WDR27: variants seen among roughly 807,000 people sequenced by gnomAD.
WDR27 encodes the protein WD repeat domain 27.
Under a neutral mutation model 114.4 loss-of-function variants are expected in WDR27, and 100 were observed. The observed-to-expected ratio is 0.87, with a 90% confidence interval of 0.74 to 1.03. WDR27 has a LOEUF of 1.03. WDR27 is among the 50% of genes least tolerant of loss of function. The pLI, the probability that WDR27 is intolerant of heterozygous loss-of-function variation, is 0.00. For missense variants in WDR27, 1,129 were observed against 1,092.9 expected (o/e 1.03, Z -0.47); for synonymous variants, 449 against 423.1 (o/e 1.06, Z -0.75).
chr6:169,568,643 A>AT lies in WDR27; in HGVS notation c.2645+3775dup, dbSNP rs563596339. On this transcript the variant is annotated intron_variant, in intron 25 of 25. Transcript: ENST00000448612. The stretch of plus-strand genomic sequence containing the variant: ...TTTCAAAGAAAATAAAATTAAGCTA[A>AT]TTGGTTGACAAACAGGGAAGACCCA... Among the ~76,000 whole-genome samples, 9 of 152,356 alleles carry AT rather than the reference A, an allele frequency of 5.9e-5. No individual in the cohort carries two copies. In the East Asian group the frequency reaches 1.7e-3, roughly 29 times the overall value.
chr6:169,581,161 A>C (rs1377901113), intron 24 of WDR27, among the ~76,000 whole-genome samples: 1 of 151,940 alleles, frequency 6.6e-6, no homozygotes, highest in Middle Eastern at 3.2e-3. Context: ...TTATTCATTA[A>C]TCTCAAGGGC....
At chr6:169,658,403 A>G in intron 12 of WDR27, 45 bp from the exon 13 acceptor site, 1 of 1,444,348 alleles carries the variant, frequency 6.9e-7, no homozygotes, top group Non-Finnish European at 9.6e-7. Flanking sequence ...GCAAACGACG[A>G]TACGATGGAA....
chr6:169,600,108 C>G (rs552693149), intron 23 of WDR27, among the ~76,000 whole-genome samples: 2 of 152,124 alleles, frequency 1.3e-5, no homozygotes, highest in African/African-American at 4.8e-5. Context: ...CCAGTTTGTT[C>G]GCACTGTGGT....
At chr6:169,618,446 C>T (rs1160474843) in intron 21 of WDR27, among the ~76,000 whole-genome samples, 1 of 151,766 alleles carries the variant, frequency 6.6e-6, no homozygotes, top group East Asian at 1.9e-4. Flanking sequence ...TTTAAATGAG[C>T]CATTTAATAA....
the WDR27 span, among the ~76,000 whole-genome samples, chr6:169,432,940 C>T: frequency 9.4e-4 from 143 of 152,248 alleles, no homozygotes; most frequent in Middle Eastern, 0.014. Flanking sequence ...TTGGAACTTC[C>T]TAGAGGCTTG....
chr6:169,670,473 C>T (rs1585057832), intron 4 of WDR27, 96 bp downstream of exon 4: 1 of 1,420,836 alleles, frequency 7.0e-7, no homozygotes, highest in Non-Finnish European at 9.6e-7. Flanking sequence ...AAAAGGAGTA[C>T]AGGAAAAAAG....
At chr6:169,591,012 T>A (rs563298011) in intron 23 of WDR27, among the ~76,000 whole-genome samples, 2 of 152,290 alleles carry the variant, frequency 1.3e-5, no homozygotes, top group Admixed American at 1.3e-4. Flanking sequence ...AGGAGTGAGA[T>A]TGCTGGATCA....
chr6:169,638,418 A>G, intron 18 of WDR27, 121 bp downstream of exon 18: 1 of 1,351,750 alleles, frequency 7.4e-7, no homozygotes, highest in Non-Finnish European at 9.9e-7. Context: ...TATTGCATTA[A>G]AGCAAACTCT....
At chr6:169,541,437 T>A (rs1796840431) in intron 25 of WDR27, among the ~76,000 whole-genome samples, 1 of 152,224 alleles carries the variant, frequency 6.6e-6, no homozygotes, top group South Asian at 2.1e-4. Flanking sequence ...GGAATCTGAC[T>A]GCATCAAGCA....
At chr6:169,496,827 T>C (rs1790468227) in intron 25 of WDR27, among the ~76,000 whole-genome samples, 1 of 152,268 alleles carries the variant, frequency 6.6e-6, no homozygotes, top group South Asian at 2.1e-4. Context: ...TCCATGTTCA[T>C]GGATTGGAAC....
rs572092947 is a variant in WDR27, at chr6:169,661,074, G to A, written c.1026-308C>T. Reference sequence around the variant, plus strand: ...TCCGCAGGAGTGGAGAGCGTGGGCCGGGGCAGGTTCTTGCCAGTGAGAACC... The same window carrying A: ...TCCGCAGGAGTGGAGAGCGTGGGCCAGGGCAGGTTCTTGCCAGTGAGAACC... On this transcript the variant is annotated intron_variant, in intron 9 of 25. Coordinates refer to ENST00000448612, the MANE Select transcript of WDR27 (RefSeq NM_182552.5). 1.3e-4 allele frequency among the ~76,000 whole-genome samples: 20 copies of A among 151,312 alleles called. No individual in the cohort carries two copies. The South Asian group carries it at 2.3e-3, about 17-fold the overall frequency.
At chr6:169,615,621 C>T (rs1811636881) in intron 21 of WDR27, among the ~76,000 whole-genome samples, 1 of 152,066 alleles carries the variant, frequency 6.6e-6, no homozygotes, top group African/African-American at 2.4e-5. Flanking sequence ...ACACCATACA[C>T]AAAAATCAAC....
chr6:169,616,911 A>G (rs542992234), intron 21 of WDR27, among the ~76,000 whole-genome samples: 1 of 152,296 alleles, frequency 6.6e-6, no homozygotes, highest in South Asian at 2.1e-4. Flanking sequence ...ATCATAATAA[A>G]CATGAGAAAA....
chr6:169,667,662 A>T (rs2128288263), intron 5 of WDR27, among the ~76,000 whole-genome samples: 1 of 152,246 alleles, frequency 6.6e-6, no homozygotes, highest in East Asian at 1.9e-4. Context: ...ACACCCTGGG[A>T]CTGGCTCTTC....
chr6:169,594,814 A>G (rs1040087222), intron 23 of WDR27, among the ~76,000 whole-genome samples: 1 of 152,224 alleles, frequency 6.6e-6, no homozygotes, highest in Admixed American at 6.5e-5. Context: ...TCCTGTATTC[A>G]GCATGGACTC....
downstream of WDR27, among the ~76,000 whole-genome samples, chr6:169,452,970 C>T (rs1169873175): frequency 1.3e-5 from 2 of 152,216 alleles, no homozygotes; most frequent in Non-Finnish European, 2.9e-5. Context: ...AGTCAGCTTC[C>T]CCGGCCTCCC....
chr6:169,590,029 T>C (rs984140313), intron 23 of WDR27, among the ~76,000 whole-genome samples: 2 of 150,956 alleles, frequency 1.3e-5, no homozygotes, highest in Admixed American at 6.6e-5. Context: ...GGAATAACGC[T>C]TGACTGCTCA....
intron 21 of WDR27, among the ~76,000 whole-genome samples, chr6:169,632,141 T>C (rs1426829399): frequency 7.0e-6 from 1 of 142,112 alleles, no homozygotes; most frequent in Non-Finnish European, 1.5e-5. Flanking sequence ...TGAGCCGAGA[T>C]AGTGCCACTG....
chr6:169,516,393 T>C (rs1219499363), intron 25 of WDR27, among the ~76,000 whole-genome samples: 1 of 152,216 alleles, frequency 6.6e-6, no homozygotes, highest in Admixed American at 6.5e-5. Context: ...GTGACCTATC[T>C]GATGCCTCCC....
Sources: gnomAD v4.1 joint callset for allele counts (sites outside exome capture counted in the v4.1 genomes callset) on GRCh38, gnomAD v4.1.1 for gene constraint, MANE v1.5 for transcripts, NCBI Gene and HGNC (gene_info 2026-07-23, HGNC 2026-07-21) for gene names.